AQP9: variants seen among roughly 807,000 people sequenced by gnomAD.
The protein encoded by AQP9 is aquaporin-9.
In AQP9, 19 loss-of-function variants were observed where a neutral mutation model predicts 23.8. The observed-to-expected ratio is 0.80, with a 90% CI of 0.56 to 1.17. The LOEUF (loss-of-function observed/expected upper bound fraction) is 1.17, where lower values mean the gene tolerates loss of function less well. Ranked by LOEUF, AQP9 falls within the 50% of genes most tolerant of loss-of-function variation. The pLI, the probability that AQP9 is intolerant of heterozygous loss-of-function variation, is 0.00. For synonymous variants in AQP9, 153 were observed against 131.5 expected (o/e 1.16, Z -1.12); for missense variants, 413 against 362.0 (o/e 1.14, Z -1.14).
chr15:58,169,796 A>C (rs77293623), intron 2 of AQP9, among the ~76,000 whole-genome samples: 1,648 of 152,352 alleles, frequency 0.011, 18 homozygotes, highest in South Asian at 0.025. Flanking sequence ...AGCATCCTGC[A>C]CAAAGCATTT....
intron 1 of AQP9, among the ~76,000 whole-genome samples, chr15:58,159,393 C>A (rs1321167986): frequency 6.6e-6 from 1 of 151,936 alleles, no homozygotes; most frequent in Non-Finnish European, 1.5e-5. Context: ...TCATACATAA[C>A]AGATGTACAT....
chr15:58,141,629 G>T (rs1455667835), intron 1 of AQP9, among the ~76,000 whole-genome samples: 4 of 152,172 alleles, frequency 2.6e-5, no homozygotes, highest in Non-Finnish European at 4.4e-5. Flanking sequence ...ATGGTTGATT[G>T]TATGTGAGAA....
At chr15:58,145,614 A>T (rs1898031353) in intron 1 of AQP9, among the ~76,000 whole-genome samples, 1 of 152,068 alleles carries the variant, frequency 6.6e-6, no homozygotes, top group Admixed American at 6.5e-5. Context: ...CTTACATGTC[A>T]TTGTTGTCTA....
intron 1 of AQP9, among the ~76,000 whole-genome samples, chr15:58,139,536 T>A (rs796884473): frequency 7.9e-5 from 12 of 152,374 alleles, no homozygotes; most frequent in African/African-American, 2.9e-4. Context: ...ACTGGTTTTT[T>A]TTATCCTGCT....
Position 58,161,316 on chromosome 15 carries a change from G to A in AQP9, c.112-5357G>A, listed in dbSNP as rs994342650. ...AGTTCCCACCAATTAAAGTTTTGTAGGAATTCTGCCTTTCAAATGTCTTTC... is the reference window on the plus strand; with the variant it reads ...AGTTCCCACCAATTAAAGTTTTGTAAGAATTCTGCCTTTCAAATGTCTTTC... On this transcript the variant is annotated intron_variant, in intron 1 of 5. Coordinates refer to ENST00000219919, the MANE Select transcript of AQP9 (RefSeq NM_020980.5). 4.6e-5 allele frequency among the ~76,000 whole-genome samples: 7 copies of A among 152,236 alleles called. 1 individual carries two copies. The South Asian group carries it at 1.5e-3, about 32-fold the overall frequency.
rs747944362 is a variant in AQP9 at position 58,173,179 on chromosome 15, C to A, written c.350C>A (p.Ala117Asp). 10 of 1,614,010 alleles carry A rather than the reference C, an allele frequency of 6.2e-6. No individual in the cohort carries two copies. Among genetic ancestry groups the A allele is most frequent in the Admixed American group, 5.0e-5 (3 of 60,000 alleles). The change falls in exon 3 of 6, where the codon GCT becomes GAT. Residue 117 changes from alanine (A) to aspartate (D), a missense_variant. Coordinates refer to ENST00000219919, the MANE Select transcript of AQP9 (RefSeq NM_020980.5). ...CAGTTCTTGGGAGCCTTTGTGGGGG[C>A]TGCAACCGTCTTTGGCATTTACTAT... ...GAQFLGAFVG[A>D]ATVFGIYYDG...
chr15:58,175,104 G>A, intron 4 of AQP9, 68 bp downstream of exon 4: 1 of 1,322,576 alleles, frequency 7.6e-7, no homozygotes. Context: ...GAATGCATTG[G>A]AGAATTAGAG....
chr15:58,167,004 C>A (rs1898522970), intron 2 of AQP9, among the ~76,000 whole-genome samples: 1 of 152,230 alleles, frequency 6.6e-6, no homozygotes, highest in South Asian at 2.1e-4. Flanking sequence ...TAACAAGAGA[C>A]AGAAATGGGG....
rs3052103 is a variant in AQP9 at position 58,179,509 on chromosome 15, A to ATGTGTGTGTGTG, written c.713+181_713+192dup. ...CATTTCACTGGTATTTTGTGGTATGATGTGTGTGTGTGTGTGTGTGTGTGT... is the reference window on the plus strand; with the variant it reads ...CATTTCACTGGTATTTTGTGGTATGATGTGTGTGTGTGTGTGTGTGTGTGTGTGTGTGTGTGT... On this transcript the variant is annotated intron_variant, in intron 5 of 5. Transcript: ENST00000219919. Among the ~76,000 whole-genome samples, 715 of 148,844 alleles carry ATGTGTGTGTGTG rather than the reference A, an allele frequency of 4.8e-3. 8 individuals carry two copies. Among genetic ancestry groups the ATGTGTGTGTGTG allele is most frequent in the African/African-American group, 0.014 (565 of 40,348 alleles).
intron 1 of AQP9, among the ~76,000 whole-genome samples, chr15:58,143,744 T>G (rs1241621279): frequency 2.6e-5 from 4 of 152,210 alleles, no homozygotes; most frequent in African/African-American, 9.7e-5. Context: ...GACTGGTTTA[T>G]GTACCCATCG....
At chr15:58,151,394 AT>A (rs1322543597) in intron 1 of AQP9, 1 of 152,174 alleles carries the variant, frequency 6.6e-6, no homozygotes, top group Non-Finnish European at 1.5e-5. Flanking sequence ...CATAATCTGA[AT>A]TAACATAACT....
chr15:58,166,609 G>A, intron 1 of AQP9, 64 bp from the exon 2 acceptor site: 1 of 1,529,564 alleles, frequency 6.5e-7, no homozygotes, highest in Non-Finnish European at 8.8e-7. Flanking sequence ...TTGCTACTGT[G>A]AGTTTCCATT....
chr15:58,184,405 G>A lies in AQP9; in HGVS notation c.*270G>A, dbSNP rs1256890635. On this transcript the variant is annotated 3_prime_UTR_variant, in exon 6 of 6. Coordinates refer to ENST00000219919, the MANE Select transcript of AQP9 (RefSeq NM_020980.5). ...TGCCCTGTTTATTTCATCCTCGATG[G>A]GAATTCTTGCTAGGTAAGCACTAAT... 1 of 347,236 alleles carries A rather than the reference G, an allele frequency of 2.9e-6. No individual in the cohort carries two copies. The allele number at this position is 347,236 out of a possible 1,614,324, so 21.5% of individuals were successfully genotyped here.
At chr15:58,142,544 AG>A (rs1897969496) in intron 1 of AQP9, among the ~76,000 whole-genome samples, 1 of 152,238 alleles carries the variant, frequency 6.6e-6, no homozygotes, top group Admixed American at 6.5e-5. Context: ...TTCAAACCTC[AG>A]GTAACACCAG....
chr15:58,174,514 C>T (rs1310194290), intron 3 of AQP9, among the ~76,000 whole-genome samples: 1 of 152,284 alleles, frequency 6.6e-6, no homozygotes, highest in East Asian at 1.9e-4. Context: ...TATACTGCAA[C>T]ACCCTCAAAT....
chr15:58,171,796 G>A (rs1898629474), intron 2 of AQP9, among the ~76,000 whole-genome samples: 1 of 152,030 alleles, frequency 6.6e-6, no homozygotes, highest in African/African-American at 2.4e-5. Flanking sequence ...GAGTGGTAGA[G>A]GCTTCTGGAA....
chr15:58,176,831 G>C (rs1478864841), intron 4 of AQP9, among the ~76,000 whole-genome samples: 2 of 151,854 alleles, frequency 1.3e-5, no homozygotes, highest in Non-Finnish European at 2.9e-5. Flanking sequence ...GACTGGTCTC[G>C]AACTCCTGAC....
chr15:58,184,900 T>C lies in AQP9; in HGVS notation c.*765T>C, dbSNP rs755324183. The stretch of plus-strand genomic sequence containing the variant: ...TAAAATACCATTGTAACCTCAGTCA[T>C]GAAAAATACATCACTCTGTCTTTTT... On this transcript the variant is annotated 3_prime_UTR_variant, in exon 6 of 6. Coordinates refer to ENST00000219919, the MANE Select transcript of AQP9 (RefSeq NM_020980.5). 2.6e-5 allele frequency: 4 copies of C among 152,242 alleles called. No homozygotes were observed. The highest frequency in any genetic ancestry group is 3.8e-4 in the East Asian group (2 of 5,202). 9.4% of individuals were successfully genotyped at this position (152,242 alleles called of 1,614,324 possible). A position where few individuals can be genotyped will look rare whatever the true frequency, so the allele number is the denominator to read the frequency against.
intron 5 of AQP9, 86 bp from the exon 6 acceptor site, chr15:58,183,875 A>G: frequency 1.4e-6 from 2 of 1,444,438 alleles, no homozygotes; most frequent in South Asian, 2.5e-5. Context: ...TGAGTGTGAG[A>G]AAGACTAACA....
Sources: allele counts gnomAD v4.1 joint callset (sites outside exome capture counted in the v4.1 genomes callset), GRCh38; gene constraint gnomAD v4.1.1; transcripts MANE v1.5; gene names NCBI Gene and HGNC (gene_info 2026-07-23, HGNC 2026-07-21).